The following MGA variants were observed in gnomAD, a reference collection of about 807,000 sequenced individuals.
MGA encodes the protein MAX gene-associated protein.
MGA carries 40 observed loss-of-function variants against 261.1 expected under a neutral mutation model. That is an observed-to-expected ratio of 0.15 (90% CI 0.12 to 0.20). MGA has a LOEUF of 0.20. Ranked by LOEUF, MGA falls within the 10% of genes least tolerant of loss-of-function variation. MGA has a pLI of 1.00. For missense variants in MGA, 3,397 were observed against 3,630.5 expected (o/e 0.94, Z 1.65); for synonymous variants, 1,302 against 1,290.6 (o/e 1.01, Z -0.19).
rs1264412872 is a variant in MGA at position 41,713,502 on chromosome 15, TATTA to T, written c.3430+10_3430+13del. 3 of 1,528,526 alleles carry T rather than the reference TATTA, an allele frequency of 2.0e-6. No homozygotes were observed. The highest frequency in any genetic ancestry group is 2.8e-5 in the African/African-American group (2 of 71,950). The allele number at this position is 1,528,526 out of a possible 1,614,324, so 94.7% of individuals were successfully genotyped here. ...GAGAAAGAAGCTAGAATACAGTGAG[TATTA>T]ATTGAGAGTTAAAACTGTGCCATAT... On this transcript the variant is annotated splice_region_variant and intron_variant, in intron 9 of 23. Transcript: ENST00000219905.
rs776765009 is a variant in MGA at position 41,749,277 on chromosome 15, A to G, written c.5670A>G (p.Gly1890=). Residue 1890 remains glycine, a synonymous_variant, in exon 17 of 24, where the codon GGA becomes GGG. Transcript: ENST00000219905. Reference sequence around the variant, plus strand: ...AGGCACCATCATTGCTTTCCTCTGGAGCTAGTTTTGTGTCTCAGGCTGGTA... The same window carrying G: ...AGGCACCATCATTGCTTTCCTCTGGGGCTAGTTTTGTGTCTCAGGCTGGTA... 6.2e-7 allele frequency: 1 copy of G among 1,613,990 alleles called. No homozygotes were observed. Among genetic ancestry groups the G allele is most frequent in the South Asian group, 1.1e-5 (1 of 91,082 alleles).
At chr15:41,681,414 T>A (rs1450409645) in intron 2 of MGA, among the ~76,000 whole-genome samples, 1 of 151,546 alleles carries the variant, frequency 6.6e-6, no homozygotes, top group South Asian at 2.1e-4. Flanking sequence ...TTTTTTTTTT[T>A]AATTCTGTTA....
intron 8 of MGA, 44 bp downstream of exon 8, chr15:41,711,393 G>GGT: frequency 6.6e-7 from 1 of 1,520,676 alleles, no homozygotes; most frequent in Non-Finnish European, 8.8e-7. Flanking sequence ...TGCTTGGCTA[G>GGT]AAAGAGCGAG....
At chr15:41,665,630 C>T (rs542475024) in intron 1 of MGA, among the ~76,000 whole-genome samples, 1 of 152,042 alleles carries the variant, frequency 6.6e-6, no homozygotes, top group Non-Finnish European at 1.5e-5. Context: ...AGCCTCCCAA[C>T]GTGCTGGCAT....
chr15:41,729,549 C>A, intron 11 of MGA, among the ~76,000 whole-genome samples, 200 bp downstream of exon 11: 1 of 151,998 alleles, frequency 6.6e-6, no homozygotes, highest in Non-Finnish European at 1.5e-5. Flanking sequence ...TGGTTGGGTG[C>A]TGTGGCTCAT....
Position 41,669,561 on chromosome 15 carries a change from G to A in MGA, c.667G>A (p.Val223Ile), listed in dbSNP as rs1378642598. 5 of 1,614,012 alleles carry A rather than the reference G, an allele frequency of 3.1e-6. No individual in the cohort carries two copies. The highest frequency in any genetic ancestry group is 4.2e-6 in the Non-Finnish European group (5 of 1,179,894). Residue 223 changes from valine to isoleucine, a missense_variant, in exon 2 of 24, where the codon GTC becomes ATC. Val to Ile is a conservative substitution (Grantham distance 29, BLOSUM62 3). Coordinates refer to ENST00000219905, the MANE Select transcript of MGA (RefSeq NM_001164273.2). ...GGTGATACAATTAAATGGCCCTGGT[G>A]TCCACACTTTTACCTTCCCACAGAC... is the stretch of plus-strand genomic sequence containing the variant.
At chr15:41,755,474 T>C (rs1243476364) in intron 18 of MGA, among the ~76,000 whole-genome samples, 1 of 152,204 alleles carries the variant, frequency 6.6e-6, no homozygotes, top group Non-Finnish European at 1.5e-5. Context: ...TTCTGTATAC[T>C]AAAACTGAGT....
At chr15:41,762,524 A>G (rs1220255478) in intron 22 of MGA, among the ~76,000 whole-genome samples, 162 bp downstream of exon 22, 2 of 115,402 alleles carry the variant, frequency 1.7e-5, no homozygotes, top group African/African-American at 3.3e-5. Context: ...CTGCAGTTGC[A>G]GTGATGTGAT....
chr15:41,632,992 C>T (rs1357369711), intron 1 of MGA, among the ~76,000 whole-genome samples: 2 of 151,354 alleles, frequency 1.3e-5, no homozygotes, highest in African/African-American at 4.9e-5. Context: ...CGCTCTGTCG[C>T]CCAGGCTGGA....
At position 41,749,282 on chromosome 15, in the gene MGA, G is replaced by A; in HGVS notation, c.5675G>A (p.Ser1892Asn). The change falls in exon 17 of 24, where the codon AGT becomes AAT. Residue 1892 changes from serine (S) to asparagine (N), a missense_variant. Transcript: ENST00000219905. ...CCATCATTGCTTTCCTCTGGAGCTA[G>A]TTTTGTGTCTCAGGCTGGTACATTG... 6.2e-7 allele frequency: 1 copy of A among 1,614,014 alleles called. No individual in the cohort carries two copies. The highest frequency in any genetic ancestry group is 8.5e-7 in the Non-Finnish European group (1 of 1,179,894).
rs763114224 is a variant in MGA, at chr15:41,760,345, T to G, written c.7214T>G (p.Leu2405Arg). 34 of 1,613,908 alleles carry G rather than the reference T, an allele frequency of 2.1e-5. No individual in the cohort carries two copies. The change falls in exon 20 of 24, where the codon CTG becomes CGG. Residue 2405 changes from leucine (L) to arginine (R), a missense_variant. Leu to Arg is a moderately radical substitution (Grantham distance 102). This residue lies in a region of MGA where 1,410 missense variants were observed against 1,386.4 expected (regional missense o/e 1.02). Transcript: ENST00000219905. ...CAGGCTCCACCAATTCCTCTAAAAC[T>G]GAAGCCTGATTACTGGAGTGACAAA...
chr15:41,744,909 C>T (rs375633086), intron 15 of MGA, among the ~76,000 whole-genome samples: 19 of 151,978 alleles, frequency 1.3e-4, no homozygotes, highest in African/African-American at 2.7e-4. Context: ...GACGGAGTCT[C>T]GCTCTGTTGC....
chr15:41,757,998 T>C (rs2063240137), intron 19 of MGA, among the ~76,000 whole-genome samples, 159 bp downstream of exon 19: 1 of 152,192 alleles, frequency 6.6e-6, no homozygotes, highest in Non-Finnish European at 1.5e-5. Context: ...AATCAAATTA[T>C]ACTGCTAATG....
intron 7 of MGA, among the ~76,000 whole-genome samples, chr15:41,708,742 G>A (rs1237923581): frequency 2.0e-5 from 3 of 152,130 alleles, no homozygotes; most frequent in Non-Finnish European, 4.4e-5. Flanking sequence ...CTTTTTAACA[G>A]CATTTCTGTT....
chr15:41,664,237 G>C (rs2057594148), intron 1 of MGA, among the ~76,000 whole-genome samples: 1 of 152,130 alleles, frequency 6.6e-6, no homozygotes, highest in African/African-American at 2.4e-5. Context: ...GTTGAAATAG[G>C]TTGATATGAC....
chr15:41,627,970 ATAAT>A (rs771856742), intron 1 of MGA, among the ~76,000 whole-genome samples: 22 of 152,228 alleles, frequency 1.4e-4, no homozygotes, highest in Non-Finnish European at 2.8e-4. Context: ...TCAACAACAA[ATAAT>A]TAATGAGCCC....
At chr15:41,648,836 A>C (rs2056984467) in intron 1 of MGA, among the ~76,000 whole-genome samples, 1 of 152,160 alleles carries the variant, frequency 6.6e-6, no homozygotes, top group Admixed American at 6.5e-5. Flanking sequence ...AAATGGCATG[A>C]ACTGATTTAT....
At chr15:41,654,344 T>C (rs2057124317) in intron 1 of MGA, among the ~76,000 whole-genome samples, 1 of 152,212 alleles carries the variant, frequency 6.6e-6, no homozygotes, top group Admixed American at 6.5e-5. Flanking sequence ...GAGATGTTCT[T>C]TCTAGTGGTT....
chr15:41,711,374 G>A, intron 8 of MGA, 25 bp downstream of exon 8: 1 of 1,552,988 alleles, frequency 6.4e-7, no homozygotes. Flanking sequence ...TTTTCTGGAG[G>A]TATATTAGTG....
Sources: gnomAD v4.1 joint callset for allele counts (sites outside exome capture counted in the v4.1 genomes callset) on GRCh38, gnomAD v4.1.1 for gene constraint, gnomAD v4.1.1 regional missense constraint, MANE v1.5 for transcripts, NCBI Gene and HGNC (gene_info 2026-07-23, HGNC 2026-07-21) for gene names.